The following ANKRD40CL variants were observed in gnomAD, a reference collection of about 807,000 sequenced individuals.
ANKRD40CL encodes putative ANKRD40 C-terminal-like protein.
For missense variants in ANKRD40CL, 11 were observed against 6.4 expected (o/e 1.71, Z -0.77); for synonymous variants, 5 against 2.3 (o/e 2.14, Z -1.04).
intron 1 of ANKRD40CL, 32 bp from the exon 2 acceptor site, chr17:50,767,043 C>T: frequency 5.7e-6 from 4 of 701,478 alleles, no homozygotes; most frequent in South Asian, 4.5e-5. Context: ...TTCTTGCCAG[C>T]CCAGTGAGAT....
intron 3 of ANKRD40CL, among the ~76,000 whole-genome samples, chr17:50,762,463 C>A (rs1567888241): frequency 6.6e-6 from 1 of 152,038 alleles, no homozygotes. Context: ...GTAGTCCCAA[C>A]TACTCTGGAG....
intron 2 of ANKRD40CL, chr17:50,764,302 G>T: frequency 2.5e-6 from 1 of 398,538 alleles, no homozygotes. Flanking sequence ...TTGGCTGTCT[G>T]CCAGACAAAG....
At chr17:50,764,352 A>G (rs1249142164) in intron 2 of ANKRD40CL, 2 of 397,854 alleles carry the variant, frequency 5.0e-6, no homozygotes, top group Non-Finnish European at 8.9e-6. Context: ...CCTGCAGCTT[A>G]TCCTCCCCTT....
chr17:50,766,721 G>A, intron 2 of ANKRD40CL, 153 bp downstream of exon 2: 1 of 555,000 alleles, frequency 1.8e-6, no homozygotes, highest in South Asian at 2.7e-5. Flanking sequence ...AAGGACCTTT[G>A]GTCTAGTTGC....
intron 1 of ANKRD40CL, 108 bp from the exon 2 acceptor site, chr17:50,767,119 CA>C (rs1213618814): frequency 2.9e-6 from 2 of 678,460 alleles, no homozygotes. Flanking sequence ...ATGATTTGCA[CA>C]GGGTGAGGCC....
chr17:50,762,170 C>T (rs1971212143), intron 3 of ANKRD40CL, among the ~76,000 whole-genome samples: 2 of 152,182 alleles, frequency 1.3e-5, no homozygotes, highest in African/African-American at 2.4e-5. Context: ...ATCCGCCCAC[C>T]TCGGCCTCCC....
At chr17:50,761,785 G>A (rs1223896433) in intron 3 of ANKRD40CL, among the ~76,000 whole-genome samples, 1 of 151,798 alleles carries the variant, frequency 6.6e-6, no homozygotes, top group African/African-American at 2.4e-5. Flanking sequence ...CATCATGCCC[G>A]GCTAATTTTT....
intron 2 of ANKRD40CL, 157 bp downstream of exon 2, chr17:50,766,717 C>T: frequency 3.6e-6 from 2 of 549,978 alleles, no homozygotes; most frequent in Non-Finnish European, 6.4e-6. Flanking sequence ...CTGAAAGGAC[C>T]TTTGGTCTAG....
intron 2 of ANKRD40CL, chr17:50,766,476 T>C (rs1369980666): frequency 5.1e-6 from 1 of 197,634 alleles, no homozygotes; most frequent in African/African-American, 2.3e-5. Flanking sequence ...AGCATGCCCT[T>C]TGCACTCAGG....
intron 3 of ANKRD40CL, among the ~76,000 whole-genome samples, chr17:50,762,223 T>C (rs1971213474): frequency 1.3e-5 from 2 of 152,088 alleles, no homozygotes; most frequent in African/African-American, 4.8e-5. Context: ...ACCCAGCAGA[T>C]TTTTGTTGTT....
At chr17:50,762,009 A>G (rs1054913079) in intron 3 of ANKRD40CL, among the ~76,000 whole-genome samples, 1 of 151,636 alleles carries the variant, frequency 6.6e-6, no homozygotes, top group African/African-American at 2.4e-5. Flanking sequence ...GTCACAGCTC[A>G]CTGCAGCTTC....
chr17:50,763,657 A>G (rs957306818), intron 2 of ANKRD40CL, 100 bp from the exon 3 acceptor site: 19 of 397,790 alleles, frequency 4.8e-5, no homozygotes, highest in Non-Finnish European at 8.0e-5. Flanking sequence ...TACAGCATAA[A>G]TAATCCTAAA....
rs1055630652 is a variant in ANKRD40CL, at chr17:50,766,903, G to A, written c.11C>T (p.Pro4Leu). 12 of 686,894 alleles carry A rather than the reference G, an allele frequency of 1.7e-5. No homozygotes were observed. The highest frequency in any genetic ancestry group is 7.2e-5 in the African/African-American group (4 of 55,494). 42.5% of individuals were successfully genotyped at this position (686,894 alleles called of 1,614,324 possible). ...TGGCTTCTCCCCGATGTCCTGTTCC[G>A]GTTCAGCCATGAGTCACCTCTAGTC... MAEPEQDIGEKPAV... is the reference protein window; with the variant it reads MAELEQDIGEKPAV... The change falls in exon 2 of 4, where the codon CCG becomes CTG. Residue 4 changes from proline to leucine, a missense_variant. Physicochemically the swap from Pro to Leu is moderately conservative, Grantham distance 98 (BLOSUM62 -3). Coordinates refer to ENST00000450727, the MANE Select transcript of ANKRD40CL (RefSeq NM_001358683.3).
intron 2 of ANKRD40CL, among the ~76,000 whole-genome samples, chr17:50,766,000 G>A (rs1971304969): frequency 6.6e-6 from 1 of 152,134 alleles, no homozygotes; most frequent in South Asian, 2.1e-4. Context: ...CAAGCCCAGG[G>A]CCTTTCTGAA....
chr17:50,767,312 G>A lies in ANKRD40CL; in HGVS notation c.-99+151C>T, dbSNP rs77149081. On this transcript the variant is annotated intron_variant, in intron 1 of 3. Coordinates refer to ENST00000450727, the MANE Select transcript of ANKRD40CL (RefSeq NM_001358683.3). ...GGCCAGGCCCTCTTTCTTGGAAAAG[G>A]TTGGTAGCTTCTACACCAGGGGTAA... is the stretch of plus-strand genomic sequence containing the variant. 1.5e-3 allele frequency: 597 copies of A among 397,212 alleles called. 11 individuals are homozygous for A. Among genetic ancestry groups the A allele is most frequent in the African/African-American group, 0.012 (568 of 47,988 alleles). The allele number at this position is 397,212 out of a possible 1,614,324, so 24.6% of individuals were successfully genotyped here.
chr17:50,761,750 G>A (rs1971205473), intron 3 of ANKRD40CL, among the ~76,000 whole-genome samples: 1 of 151,960 alleles, frequency 6.6e-6, no homozygotes, highest in African/African-American at 2.4e-5. Context: ...TCAGCCTCCT[G>A]AGTAGCTGGG....
Position 50,766,863 on chromosome 17 carries a change from C to T in ANKRD40CL, c.40+11G>A. 2 of 648,970 alleles carry T rather than the reference C, an allele frequency of 3.1e-6. No homozygotes were observed. Among genetic ancestry groups the T allele is most frequent in the Non-Finnish European group, 5.6e-6 (2 of 359,760 alleles). The allele number at this position is 648,970 out of a possible 1,614,324, so 40.2% of individuals were successfully genotyped here. ...TGAGGACCATGTTGGGAACAGGACT[C>T]CCAGACTCACCTGCTGGCTTCTCCC... On this transcript the variant is annotated intron_variant, in intron 2 of 3. Coordinates refer to ENST00000450727, the MANE Select transcript of ANKRD40CL (RefSeq NM_001358683.3).
At chr17:50,763,884 A>C (rs1971250222) in intron 2 of ANKRD40CL, 1 of 376,684 alleles carries the variant, frequency 2.7e-6, no homozygotes, top group Non-Finnish European at 4.7e-6. Context: ...GCAGGTGCTC[A>C]TACCTTGTTG....
chr17:50,767,235 C>T (rs1446238368), intron 1 of ANKRD40CL: 10 of 553,822 alleles, frequency 1.8e-5, no homozygotes, highest in Middle Eastern at 2.8e-4. Context: ...TGGTGCCCTT[C>T]GGAGGGGAGG....
Sources: allele counts gnomAD v4.1 joint callset (sites outside exome capture counted in the v4.1 genomes callset), GRCh38; gene constraint gnomAD v4.1.1; transcripts MANE v1.5; gene names NCBI Gene and HGNC (gene_info 2026-07-23, HGNC 2026-07-21).